Variants in FCGR3B observed in about 807,000 individuals in gnomAD.
FCGR3B encodes Fc gamma receptor IIIb, also known as low affinity immunoglobulin gamma Fc region receptor III-B.
In FCGR3B, 20 loss-of-function variants were observed where a neutral mutation model predicts 26.7. That is an observed-to-expected ratio of 0.75 (90% CI 0.53 to 1.09). FCGR3B has a LOEUF of 1.09. Ranked by LOEUF, FCGR3B falls within the 50% of genes least tolerant of loss-of-function variation. FCGR3B has a pLI of 0.00. For missense variants in FCGR3B, 191 were observed against 279.7 expected (o/e 0.68, Z 2.26); for synonymous variants, 79 against 107.0 (o/e 0.74, Z 1.62).
At chr1:161,625,512 A>G (rs1217179523) in intron 4 of FCGR3B, among the ~76,000 whole-genome samples, 1 of 99,128 alleles carries the variant, frequency 1.0e-5, no homozygotes, top group Non-Finnish European at 2.1e-5. Context: ...CGGTTACTTC[A>G]TCTGTAAAAT....
chr1:161,627,292 C>T lies in FCGR3B; in HGVS notation c.320-890G>A, dbSNP rs564153982. 2.7e-5 allele frequency among the ~76,000 whole-genome samples: 4 copies of T among 150,234 alleles called. No individual in the cohort carries two copies. In the East Asian group the frequency reaches 7.8e-4, roughly 29 times the overall value. ...TATGCACAGAAAAAAGAAGGATATG[C>T]ACTTACATATTAACAGGGGTTTTCT... On this transcript the variant is annotated intron_variant, in intron 3 of 4. Transcript: ENST00000650385.
chr1:161,625,348 T>G (rs907709816), intron 4 of FCGR3B, among the ~76,000 whole-genome samples: 12 of 138,678 alleles, frequency 8.7e-5, no homozygotes, highest in African/African-American at 3.4e-4. Context: ...TTCTGGAGGC[T>G]GGTGCTATGG....
Position 161,624,065 on chromosome 1 carries a change from T to C in FCGR3B, c.*450A>G. 6.9e-6 allele frequency: 1 copy of C among 145,770 alleles called. No individual in the cohort carries two copies. The highest frequency in any genetic ancestry group is 1.7e-4 in the East Asian group (1 of 5,970). 9.0% of individuals were successfully genotyped at this position (145,770 alleles called of 1,614,324 possible). A position where few individuals can be genotyped will look rare whatever the true frequency, so the allele number is the denominator to read the frequency against. On this transcript the variant is annotated 3_prime_UTR_variant, in exon 5 of 5. Transcript: ENST00000650385. ...ACCATTAATTCTACTTATCCATTTGTTTAGGAATAATTATTTTCTTTTTTT... is the reference window on the plus strand; with the variant it reads ...ACCATTAATTCTACTTATCCATTTGCTTAGGAATAATTATTTTCTTTTTTT...
At position 161,624,113 on chromosome 1, in the gene FCGR3B, A is replaced by G. The variant is rs1392801596; in HGVS notation, c.*402T>C. On this transcript the variant is annotated 3_prime_UTR_variant, in exon 5 of 5. Transcript: ENST00000650385. The stretch of plus-strand genomic sequence containing the variant: ...TTTCCCTCTAAACTGGGTAATTTAT[A>G]ATACGAGCAATTTTTGTATGTTTAA... 1 of 171,132 alleles carries G rather than the reference A, an allele frequency of 5.8e-6. No individual in the cohort carries two copies. Among genetic ancestry groups the G allele is most frequent in the African/African-American group, 2.5e-5 (1 of 40,748 alleles). The allele number at this position is 171,132 out of a possible 1,614,324, so 10.6% of individuals were successfully genotyped here.
intron 3 of FCGR3B, among the ~76,000 whole-genome samples, chr1:161,628,926 C>A (rs1473631691): frequency 2.3e-5 from 3 of 131,628 alleles, no homozygotes. Context: ...GATTAATGTG[C>A]AGGCTGAACA....
intron 3 of FCGR3B, among the ~76,000 whole-genome samples, chr1:161,626,718 T>C (rs1453012635): frequency 6.7e-6 from 1 of 149,506 alleles, no homozygotes; most frequent in African/African-American, 2.5e-5. Context: ...GTGCTAGACT[T>C]AGATTTGCTG....
intron 1 of FCGR3B, 66 bp downstream of exon 1, chr1:161,630,989 A>T: frequency 6.6e-7 from 1 of 1,525,414 alleles, no homozygotes. Context: ...CGTAGCCTGA[A>T]AAGGGGTGTC....
chr1:161,624,614 T>A lies in FCGR3B; in HGVS notation c.603A>T (p.Ser201=), dbSNP rs766420385. Reference sequence around the variant, plus strand: ...AGACTTGGTACCCAGGTGGAGAGAATGATGAGATGGTTGACACTGCCAAAC... The same window carrying A: ...AGACTTGGTACCCAGGTGGAGAGAAAGATGAGATGGTTGACACTGCCAAAC... The part of the protein sequence containing the change: ...TQGLAVSTIS[S]FSPPGYQVSF... Residue 201 remains serine (S), a synonymous_variant, in exon 5 of 5, where the codon TCA becomes TCT. Transcript: ENST00000650385. The A allele has an allele frequency of 7.5e-6, 12 of 1,605,672 alleles. 1 individual carries two copies. Among genetic ancestry groups the A allele is most frequent in the Non-Finnish European group, 5.9e-6 (7 of 1,176,488 alleles).
chr1:161,631,863 G>C (rs1329044926), upstream of FCGR3B: 2 of 134,346 alleles, frequency 1.5e-5, no homozygotes, highest in African/African-American at 5.6e-5. Context: ...GGGTGGGGAG[G>C]GGTGAGGACA....
Position 161,630,367 on chromosome 1 carries a change from C to T in FCGR3B, c.61+1G>A. 4 of 1,605,198 alleles carry T rather than the reference C, an allele frequency of 2.5e-6. No individual in the cohort carries two copies. Among genetic ancestry groups the T allele is most frequent in the Non-Finnish European group, 3.4e-6 (4 of 1,176,000 alleles). On this transcript the variant is annotated splice_donor_variant, in intron 2 of 4. Transcript: ENST00000650385. LOFTEE classifies it high-confidence loss of function. ...AATCCAAGACCATGAAGCTGACTCA[C>T]CAGTCCGCATGCCAGCTGAAACTGC...
At chr1:161,631,255 T>C (rs1203516221), upstream of FCGR3B, 22 of 1,514,652 alleles carry the variant, frequency 1.5e-5, no homozygotes, top group Non-Finnish European at 1.9e-5. Flanking sequence ...TTTCTCAATC[T>C]GAAGTCTCGC....
rs375556316 is a variant in FCGR3B at position 161,631,132 on chromosome 1, C to A, written c.-38G>T. The A allele has an allele frequency of 4.4e-5, 70 of 1,607,590 alleles. 1 individual carries two copies. Among genetic ancestry groups the A allele is most frequent in the Non-Finnish European group, 5.5e-5 (65 of 1,177,380 alleles). On this transcript the variant is annotated 5_prime_UTR_variant, in exon 1 of 5. Coordinates refer to ENST00000650385, the MANE Select transcript of FCGR3B (RefSeq NM_001244753.2). ...GAGTGGACAAGTCACCAAAGATATC[C>A]GGAGCCCTAAAGGGACCAAGCCGAC... is the stretch of plus-strand genomic sequence containing the variant.
chr1:161,626,662 T>G (rs1194006836), intron 3 of FCGR3B, among the ~76,000 whole-genome samples: 1 of 148,378 alleles, frequency 6.7e-6, no homozygotes, highest in Non-Finnish European at 1.5e-5. Context: ...GACTAAGCAA[T>G]GAGGTAAGTG....
intron 4 of FCGR3B, among the ~76,000 whole-genome samples, chr1:161,625,566 C>T (rs1263689531): frequency 7.3e-6 from 1 of 137,218 alleles, no homozygotes; most frequent in East Asian, 2.0e-4. Context: ...CTGTGGTAGT[C>T]AAACCAGGTG....
chr1:161,629,301 G>A (rs1454733741), intron 3 of FCGR3B, among the ~76,000 whole-genome samples: 1 of 13,658 alleles, frequency 7.3e-5, no homozygotes, highest in African/African-American at 1.3e-4. Context: ...GGTGGCGGGT[G>A]CCTGTAATCT....
At position 161,624,315 on chromosome 1, in the gene FCGR3B, G is replaced by A. The variant is rs1371974963; in HGVS notation, c.*200C>T. The A allele has an allele frequency of 4.6e-6, 3 of 650,348 alleles. No homozygotes were observed. The highest frequency in any genetic ancestry group is 3.8e-5 in the African/African-American group (2 of 52,554). The allele number at this position is 650,348 out of a possible 1,614,324, so 40.3% of individuals were successfully genotyped here. ...ACTGGAGACCAAGGAAAAATCGAGAGTTGGATAAAGGATCTGGCTCTGAGT... is the reference window on the plus strand; with the variant it reads ...ACTGGAGACCAAGGAAAAATCGAGAATTGGATAAAGGATCTGGCTCTGAGT... On this transcript the variant is annotated 3_prime_UTR_variant, in exon 5 of 5. Coordinates refer to ENST00000650385, the MANE Select transcript of FCGR3B (RefSeq NM_001244753.2).
rs954664174 is a variant in FCGR3B, at chr1:161,623,398, A to G, written c.*1117T>C. The G allele has an allele frequency of 6.6e-5, 10 of 150,534 alleles. 1 individual carries two copies. The highest frequency in any genetic ancestry group is 2.5e-4 in the African/African-American group (10 of 40,436). 9.3% of individuals were successfully genotyped at this position (150,534 alleles called of 1,614,324 possible). On this transcript the variant is annotated 3_prime_UTR_variant, in exon 5 of 5. Transcript: ENST00000650385. ...GGAACTGACATGAAGAAGGATTTGA[A>G]AGTTTCACAGCGTAACTCAGTGAAG...
chr1:161,628,031 T>G (rs67295569), intron 3 of FCGR3B, among the ~76,000 whole-genome samples: 67,382 of 149,160 alleles, frequency 0.45, 15,895 homozygotes, highest in Non-Finnish European at 0.51. Flanking sequence ...CCTAGTACTT[T>G]GGGAGGCTGA....
At chr1:161,627,201 A>C (rs1679510813) in intron 3 of FCGR3B, among the ~76,000 whole-genome samples, 1 of 150,084 alleles carries the variant, frequency 6.7e-6, no homozygotes, top group African/African-American at 2.5e-5. Flanking sequence ...ATAATGGCAT[A>C]AGAAAATATT....
Sources: gnomAD v4.1 joint callset for allele counts (sites outside exome capture counted in the v4.1 genomes callset) on GRCh38, gnomAD v4.1.1 for gene constraint, MANE v1.5 for transcripts, NCBI Gene and HGNC (gene_info 2026-07-23, HGNC 2026-07-21) for gene names.